ISLR2: variants seen among roughly 807,000 people sequenced by gnomAD.
ISLR2 encodes the protein immunoglobulin superfamily containing leucine rich repeat 2, also known as immunoglobulin superfamily containing leucine-rich repeat protein 2.
ISLR2 carries 16 observed loss-of-function variants against 25.5 expected under a neutral mutation model. The observed-to-expected ratio is 0.63, with a 90% CI of 0.43 to 0.95. ISLR2 has a LOEUF of 0.95. Among genes scored for constraint, ISLR2 ranks in the 40% least tolerant of loss-of-function variants. The pLI is 0.00. For synonymous variants in ISLR2, 508 were observed against 486.6 expected (o/e 1.04, Z -0.58); for missense variants, 883 against 1,030.7 (o/e 0.86, Z 1.96).
intron 2 of ISLR2, chr15:74,131,884 A>T (rs955714622): frequency 1.3e-5 from 2 of 152,310 alleles, no homozygotes; most frequent in African/African-American, 4.8e-5. Context: ...GCAGTAGGGC[A>T]TGGGGATGGG....
intron 2 of ISLR2, among the ~76,000 whole-genome samples, chr15:74,117,871 G>A (rs1348023522): frequency 6.6e-6 from 1 of 152,102 alleles, no homozygotes; most frequent in Non-Finnish European, 1.5e-5. Context: ...CCACCACCTG[G>A]CATCCACTGT....
rs778479468 is a variant in ISLR2, at chr15:74,134,434, G to A, written c.1680G>A (p.Pro560=). 3 of 1,611,736 alleles carry A rather than the reference G, an allele frequency of 1.9e-6. No individual in the cohort carries two copies. Among genetic ancestry groups the A allele is most frequent in the Non-Finnish European group, 2.5e-6 (3 of 1,179,682 alleles). The stretch of plus-strand genomic sequence containing the variant: ...CCTACTGGTTCCGCGGCCTGCGGCC[G>A]GGTACCAACTACTCCGTGTGCCTGG... ...VNAYWFRGLR[P]GTNYSVCLAL... The change falls in exon 3 of 3, where the codon CCG becomes CCA. Residue 560 remains proline (P), a synonymous_variant. Coordinates refer to ENST00000453268, the MANE Select transcript of ISLR2 (RefSeq NM_020851.3).
Position 74,133,021 on chromosome 15 carries a change from C to A in ISLR2, c.267C>A (p.Thr89=). Residue 89 remains threonine (T), a synonymous_variant, in exon 3 of 3, where the codon ACC becomes ACA. Transcript: ENST00000453268. The part of the protein sequence containing the change: ...SLWLAHNEVR[T]VEPGALAVLS... ...GGCTGGCGCACAATGAGGTGCGCAC[C>A]GTGGAGCCAGGCGCACTGGCCGTGC... The A allele has an allele frequency of 6.2e-7, 1 of 1,613,214 alleles. No homozygotes were observed. Among genetic ancestry groups the A allele is most frequent in the Non-Finnish European group, 8.5e-7 (1 of 1,179,934 alleles).
chr15:74,106,851 G>A (rs559505299), intron 2 of ISLR2, among the ~76,000 whole-genome samples: 1 of 152,220 alleles, frequency 6.6e-6, no homozygotes, highest in South Asian at 2.1e-4. Flanking sequence ...CAGATTTCTG[G>A]GGGGACTTCT....
chr15:74,122,164 C>T (rs1273134084), intron 2 of ISLR2, among the ~76,000 whole-genome samples: 2 of 152,248 alleles, frequency 1.3e-5, no homozygotes, highest in African/African-American at 4.8e-5. Flanking sequence ...AGGCTGGGGA[C>T]ATTTCCCATT....
upstream of ISLR2, among the ~76,000 whole-genome samples, chr15:74,124,614 C>T (rs534847944): frequency 1.3e-5 from 2 of 152,174 alleles, no homozygotes; most frequent in East Asian, 3.9e-4. Flanking sequence ...CAAAAACTAG[C>T]GGGGTGTGGT....
At chr15:74,108,063 C>G (rs2072135542) in intron 2 of ISLR2, among the ~76,000 whole-genome samples, 2 of 152,206 alleles carry the variant, frequency 1.3e-5, no homozygotes, top group African/African-American at 4.8e-5. Flanking sequence ...GTGTCGACAG[C>G]CCTGGCCCAG....
chr15:74,107,462 C>T (rs2072130151), intron 2 of ISLR2, among the ~76,000 whole-genome samples: 1 of 152,128 alleles, frequency 6.6e-6, no homozygotes, highest in Non-Finnish European at 1.5e-5. Flanking sequence ...TGTGTCTGGG[C>T]TTGGAAATAG....
intron 2 of ISLR2, among the ~76,000 whole-genome samples, chr15:74,113,426 C>T (rs763344621): frequency 9.2e-5 from 14 of 152,208 alleles, no homozygotes; most frequent in Non-Finnish European, 8.8e-5. Context: ...GCTAGGATTA[C>T]AGGCATGAGC....
chr15:74,134,963 A>G lies in ISLR2; in HGVS notation c.2209A>G (p.Asn737Asp), dbSNP rs138774937. The G allele has an allele frequency of 1.2e-5, 19 of 1,613,420 alleles. No homozygotes were observed. The African/African-American group carries it at 2.1e-4, about 18-fold the overall frequency. Residue 737 changes from asparagine to aspartate, a missense_variant, in exon 3 of 3, where the codon AAT becomes GAT. Coordinates refer to ENST00000453268, the MANE Select transcript of ISLR2 (RefSeq NM_020851.3). ...GGCGGTCAACATCGCCCAGGAGATT[A>G]ATGGCAACTACAGGCAGACGGCAGG... is the stretch of plus-strand genomic sequence containing the variant. ...AEAVNIAQEI[N>D]GNYRQTAG
At chr15:74,125,522 G>A (rs1340542538), upstream of ISLR2, among the ~76,000 whole-genome samples, 1 of 152,202 alleles carries the variant, frequency 6.6e-6, no homozygotes, top group African/African-American at 2.4e-5. Flanking sequence ...TTACAGGCAT[G>A]AGCCATCTTG....
chr15:74,111,415 G>A (rs1489800948), intron 2 of ISLR2, among the ~76,000 whole-genome samples: 2 of 151,614 alleles, frequency 1.3e-5, no homozygotes, highest in Non-Finnish European at 2.9e-5. Context: ...TCAGCCTCCC[G>A]AGTAGCTGGG....
intron 2 of ISLR2, among the ~76,000 whole-genome samples, chr15:74,110,802 C>CA (rs1159343481): frequency 1.3e-5 from 2 of 151,912 alleles, no homozygotes; most frequent in East Asian, 1.9e-4. Flanking sequence ...ACTAAAAATA[C>CA]AAAAAAATTA....
chr15:74,123,573 G>A (rs1393442194), upstream of ISLR2, among the ~76,000 whole-genome samples: 1 of 152,194 alleles, frequency 6.6e-6, no homozygotes, highest in Non-Finnish European at 1.5e-5. Flanking sequence ...TCCAAGCCCA[G>A]TGTGGTCTGC....
Position 74,134,026 on chromosome 15 carries a change from G to C in ISLR2, c.1272G>C (p.Lys424Asn), listed in dbSNP as rs765091706. The change falls in exon 3 of 3, where the codon AAG (lysine) becomes AAC (asparagine). Residue 424 changes from lysine to asparagine, a missense_variant. Physicochemically the swap from Lys to Asn is moderately conservative, Grantham distance 94. This residue lies in a region of ISLR2 where 612 missense variants were observed against 642.8 expected (regional missense o/e 0.95). Coordinates refer to ENST00000453268, the MANE Select transcript of ISLR2 (RefSeq NM_020851.3). ...AAATCAAAGGCCAAGGCCTGGCCAA[G>C]GTCAGCATTCTCGGGGAGACCGAGA... ...EGKIKGQGLA[K>N]VSILGETETE... The C allele has an allele frequency of 2.5e-6, 4 of 1,613,472 alleles. No homozygotes were observed. In the Admixed American group the frequency reaches 6.7e-5, roughly 27 times the overall value.
chr15:74,108,187 C>G (rs1007359005), intron 2 of ISLR2, among the ~76,000 whole-genome samples: 1 of 152,178 alleles, frequency 6.6e-6, no homozygotes, highest in East Asian at 1.9e-4. Flanking sequence ...AGGCTGCATC[C>G]CTTTCCCACC....
chr15:74,108,936 G>C (rs375930876), intron 2 of ISLR2, among the ~76,000 whole-genome samples: 1 of 152,328 alleles, frequency 6.6e-6, no homozygotes, highest in East Asian at 1.9e-4. Flanking sequence ...CCTGGGGCAG[G>C]TGCGGGGCTG....
At chr15:74,119,665 T>C (rs968805492) in intron 2 of ISLR2, among the ~76,000 whole-genome samples, 6 of 152,246 alleles carry the variant, frequency 3.9e-5, no homozygotes, top group African/African-American at 1.4e-4. Flanking sequence ...TTAATTAACT[T>C]GATTTAATCA....
At chr15:74,130,095 G>C (rs532246164), upstream of ISLR2, 1 of 152,104 alleles carries the variant, frequency 6.6e-6, no homozygotes, top group African/African-American at 2.4e-5. Context: ...GAAGTAAAGA[G>C]TTCCGGCTTA....
Sources: gnomAD v4.1 joint callset for allele counts (sites outside exome capture counted in the v4.1 genomes callset) on GRCh38, gnomAD v4.1.1 for gene constraint, gnomAD v4.1.1 regional missense constraint, MANE v1.5 for transcripts, NCBI Gene and HGNC (gene_info 2026-07-23, HGNC 2026-07-21) for gene names.